The following MLXIP variants were observed in gnomAD, a reference collection of about 807,000 sequenced individuals.
MLXIP encodes MLX-interacting protein.
In MLXIP, 30 loss-of-function variants were observed where a neutral mutation model predicts 87.2. That is an observed-to-expected ratio of 0.34 (90% CI 0.26 to 0.47). The LOEUF is 0.47. Among genes scored for constraint, MLXIP ranks in the 20% least tolerant of loss-of-function variants. The pLI is 1.00. For synonymous variants in MLXIP, 530 were observed against 514.0 expected (o/e 1.03, Z -0.42); for missense variants, 1,002 against 1,240.1 (o/e 0.81, Z 2.88).
chr12:122,137,465 C>G lies in MLXIP; in HGVS notation c.2033-4C>G. 6.2e-7 allele frequency: 1 copy of G among 1,613,042 alleles called. No homozygotes were observed. The highest frequency in any genetic ancestry group is 8.5e-7 in the Non-Finnish European group (1 of 1,179,406). ...CGCCCCTCAGAGGAGTCTGTTCTTA[C>G]CAGGTCGGGACTGCCCAAACTCAGG... On this transcript the variant is annotated splice_region_variant and splice_polypyrimidine_tract_variant and intron_variant, in intron 11 of 16. Transcript: ENST00000319080. The surrounding 1 kb of genome is among the most constrained non-coding windows in gnomAD (Gnocchi z 4.1).
chr12:122,138,171 G>C (rs1308106471), intron 12 of MLXIP, 23 bp from the exon 13 acceptor site: 1 of 1,574,336 alleles, frequency 6.4e-7, no homozygotes, highest in South Asian at 1.2e-5. Context: ...GCCTGTCTTA[G>C]TGACCAGCGG....
chr12:122,108,448 C>G (rs927320500), intron 1 of MLXIP, among the ~76,000 whole-genome samples: 2 of 150,628 alleles, frequency 1.3e-5, no homozygotes, highest in African/African-American at 4.9e-5. Context: ...ATCATATTAT[C>G]ATTCTTCCTT....
Position 122,127,944 on chromosome 12 carries a change from C to T in MLXIP, c.582C>T (p.Asp194=), listed in dbSNP as rs369544906. Residue 194 remains aspartate (D), a synonymous_variant, in exon 3 of 17, where the codon GAC becomes GAT. Transcript: ENST00000319080. ...TGACACCCCTGGACGGCTCTGTGGA[C>T]GTAGACGAGCACCGCCGGCCGGAGG... ...HFVTPLDGSV[D]VDEHRRPEAI... 2.1e-5 allele frequency: 34 copies of T among 1,613,716 alleles called. No homozygotes were observed. The African/African-American group carries it at 3.9e-4, about 18-fold the overall frequency.
chr12:122,138,993 C>T (rs1464352478), intron 15 of MLXIP, 55 bp downstream of exon 15: 20 of 1,605,798 alleles, frequency 1.2e-5, no homozygotes, highest in Non-Finnish European at 1.6e-5. Flanking sequence ...GCACTGAAGC[C>T]ACAGACCGTG....
intron 1 of MLXIP, among the ~76,000 whole-genome samples, chr12:122,121,634 G>C (rs892445745): frequency 6.6e-6 from 1 of 152,024 alleles, no homozygotes; most frequent in Non-Finnish European, 1.5e-5. Flanking sequence ...CAGCCAGACC[G>C]AACAGAATTA....
At chr12:122,097,197 G>A (rs182572027) in intron 1 of MLXIP, among the ~76,000 whole-genome samples, 113 of 152,136 alleles carry the variant, frequency 7.4e-4, no homozygotes, top group Non-Finnish European at 1.4e-3. Flanking sequence ...ACAGGGTCTC[G>A]CTCTGTCACC....
chr12:122,117,702 C>A (rs1952714408), intron 1 of MLXIP, among the ~76,000 whole-genome samples: 1 of 152,194 alleles, frequency 6.6e-6, no homozygotes, highest in Non-Finnish European at 1.5e-5. Flanking sequence ...GTAGTCCCCC[C>A]TTATCTGAGG....
intron 1 of MLXIP, among the ~76,000 whole-genome samples, chr12:122,119,662 A>G (rs1952749002): frequency 6.6e-6 from 1 of 152,196 alleles, no homozygotes; most frequent in Non-Finnish European, 1.5e-5. Context: ...AAGTGCTGGG[A>G]TTACAGGCGT....
At chr12:122,122,863 T>TC (rs1376337378) in intron 1 of MLXIP, among the ~76,000 whole-genome samples, 2 of 150,590 alleles carry the variant, frequency 1.3e-5, no homozygotes, top group African/African-American at 2.4e-5. Context: ...TCTTTTTCTT[T>TC]TTTTTTTTTT....
intron 9 of MLXIP, chr12:122,134,609 TCTGC>T (rs1304638635): frequency 6.4e-6 from 1 of 155,742 alleles, no homozygotes; most frequent in Non-Finnish European, 1.4e-5. Context: ...TCTCAGGCGA[TCTGC>T]CCACCTTGGC....
chr12:122,131,912 CTTTTTTTTTTTT>C (rs60691591), intron 7 of MLXIP, among the ~76,000 whole-genome samples: 10 of 73,992 alleles, frequency 1.4e-4, no homozygotes, highest in Admixed American at 5.6e-4. Flanking sequence ...TGGTTGGCAC[CTTTTTTTTTTTT>C]TTTTTTTTTT....
Position 122,078,827 on chromosome 12 carries a change from G to T in MLXIP, c.-27G>T. On this transcript the variant is annotated 5_prime_UTR_variant, in exon 1 of 17. Transcript: ENST00000319080. Reference sequence around the variant, plus strand: ...GCTTGTCGCGTTGCCCCGGGCTCCGGGGGATGCCCCCGGCCGAGCCCTTCT... The same window carrying T: ...GCTTGTCGCGTTGCCCCGGGCTCCGTGGGATGCCCCCGGCCGAGCCCTTCT... The T allele has an allele frequency of 9.5e-7, 1 of 1,051,162 alleles. No homozygotes were observed. 65.1% of individuals were successfully genotyped at this position (1,051,162 alleles called of 1,614,324 possible).
chr12:122,141,263 G>A (rs1183749510), intron 16 of MLXIP, 180 bp downstream of exon 16: 1 of 420,700 alleles, frequency 2.4e-6, no homozygotes, highest in Non-Finnish European at 3.2e-6. Flanking sequence ...GGAGGCTCCT[G>A]CCCTTTTGTG....
chr12:122,128,074 G>T (rs947944484), intron 3 of MLXIP, 106 bp downstream of exon 3: 9 of 1,026,056 alleles, frequency 8.8e-6, no homozygotes, highest in Non-Finnish European at 1.2e-5. Flanking sequence ...CGAGGGTAGT[G>T]CAGCGCCTGC....
intron 12 of MLXIP, 50 bp from the exon 13 acceptor site, chr12:122,138,144 C>A: frequency 1.3e-6 from 2 of 1,486,224 alleles, no homozygotes. Flanking sequence ...GAAGGGTGGA[C>A]AGTGTGCCTG....
Position 122,121,418 on chromosome 12 carries a change from C to A in MLXIP, c.414-5838C>A, listed in dbSNP as rs1952783100. ...GAGTAGCTGGGATTACAGGCACGTG[C>A]CACCATGCCTGACTAATTTTTGTAT... On this transcript the variant is annotated intron_variant, in intron 1 of 16. Coordinates refer to ENST00000319080, the MANE Select transcript of MLXIP (RefSeq NM_014938.6). Among the ~76,000 whole-genome samples the A allele has an allele frequency of 3.3e-5, 5 of 150,664 alleles. No individual in the cohort carries two copies. In the South Asian group the frequency reaches 1.1e-3, roughly 32 times the overall value.
intron 1 of MLXIP, among the ~76,000 whole-genome samples, chr12:122,096,096 A>T (rs1474451845): frequency 6.6e-6 from 1 of 151,578 alleles, no homozygotes; most frequent in South Asian, 2.1e-4. Context: ...TTTATTTTTT[A>T]AAGATAGGTC....
intron 1 of MLXIP, among the ~76,000 whole-genome samples, chr12:122,123,925 C>CAG (rs1429095196): frequency 6.8e-4 from 104 of 152,322 alleles, no homozygotes; most frequent in African/African-American, 2.4e-3. Flanking sequence ...GGGGCCACCA[C>CAG]AGGCCAGGCA....
rs771002126 is a variant in MLXIP, at chr12:122,079,216, C to T, written c.363C>T (p.Ser121=). ...SFGKTSSCHL[S]IDASLTKLFE... ...GCAAGACTAGCTCCTGCCACCTGTC[C>T]ATCGACGCCTCGCTCACCAAGCTCT... The change falls in exon 1 of 17, where the codon TCC becomes TCT. Residue 121 remains serine (S), a synonymous_variant. Transcript: ENST00000319080. 6.4e-7 allele frequency: 1 copy of T among 1,551,198 alleles called. No homozygotes were observed. The highest frequency in any genetic ancestry group is 8.7e-7 in the Non-Finnish European group (1 of 1,146,848).
Sources: gnomAD v4.1 joint callset for allele counts (sites outside exome capture counted in the v4.1 genomes callset) on GRCh38, gnomAD v4.1.1 for gene constraint, Gnocchi (gnomAD v3.1) non-coding constraint, MANE v1.5 for transcripts, NCBI Gene and HGNC (gene_info 2026-07-23, HGNC 2026-07-21) for gene names.